RABGAP1L: variants seen among roughly 807,000 people sequenced by gnomAD.
RABGAP1L encodes RAB GTPase activating protein 1 like.
A neutral mutation model predicts 137.7 loss-of-function variants in RABGAP1L; 63 were observed. The ratio of observed to expected loss-of-function variants is 0.46; its 90% CI spans 0.37 to 0.56. The LOEUF (loss-of-function observed/expected upper bound fraction) is 0.56. RABGAP1L is among the 20% of genes least tolerant of loss of function. The pLI is 0.00. For missense variants in RABGAP1L, 1,095 were observed against 1,244.0 expected (o/e 0.88, Z 1.80); for synonymous variants, 431 against 433.7 (o/e 0.99, Z 0.08).
chr1:174,892,520 T>C, intron 19 of RABGAP1L: 1 of 507,266 alleles, frequency 2.0e-6, no homozygotes, highest in Non-Finnish European at 3.9e-6. Context: ...CACAAAAGTT[T>C]CTCCAAGTTT....
chr1:174,256,764 A>AG (rs1265561020), intron 7 of RABGAP1L, among the ~76,000 whole-genome samples: 2 of 152,212 alleles, frequency 1.3e-5, no homozygotes, highest in Non-Finnish European at 2.9e-5. Context: ...CTTGTGACAG[A>AG]GGGAGACTCC....
intron 1 of RABGAP1L, among the ~76,000 whole-genome samples, chr1:174,190,131 C>T (rs778789766): frequency 6.6e-5 from 10 of 151,828 alleles, no homozygotes; most frequent in Admixed American, 3.3e-4. Flanking sequence ...GGTGAAACCC[C>T]GTCTCTACTA....
chr1:174,663,169 ACT>A (rs1676515030), intron 14 of RABGAP1L, among the ~76,000 whole-genome samples: 1 of 152,096 alleles, frequency 6.6e-6, no homozygotes, highest in African/African-American at 2.4e-5. Context: ...TCACTCACTG[ACT>A]CACCCAGAGC....
In RABGAP1L at chr1:174,611,368, A is replaced by C. The variant is rs572042423; in HGVS notation, c.1711-26007A>C. On this transcript the variant is annotated intron_variant, in intron 13 of 25. Transcript: ENST00000681986. ...TTTGTCAAAAATCAGATAGTTGTAG[A>C]TATGTGGTGTTACTTCTGAGGGCTC... Among the ~76,000 whole-genome samples the C allele has an allele frequency of 3.8e-3, 578 of 152,188 alleles. 2 individuals carry two copies. Among genetic ancestry groups the C allele is most frequent in the Middle Eastern group, 0.01 (3 of 294 alleles).
Position 174,170,440 on chromosome 1 carries a change from G to T in RABGAP1L, c.-34+10783G>T, listed in dbSNP as rs1023443594. On this transcript the variant is annotated intron_variant, in intron 1 of 25. Coordinates refer to ENST00000681986, the MANE Select transcript of RABGAP1L (RefSeq NM_001366446.1). ...TGCCTGTAATCCCAGCACTTTGGAA[G>T]TCCGAGGCGGGCAGATCACGAGGTC... Among the ~76,000 whole-genome samples, 103 of 152,206 alleles carry T rather than the reference G, an allele frequency of 6.8e-4. 1 individual carries two copies. Among genetic ancestry groups the T allele is most frequent in the African/African-American group, 2.3e-3 (94 of 41,524 alleles).
chr1:174,741,923 C>T (rs532772023), intron 17 of RABGAP1L, among the ~76,000 whole-genome samples: 1 of 147,226 alleles, frequency 6.8e-6, no homozygotes, highest in South Asian at 2.2e-4. Flanking sequence ...CCTATAGACC[C>T]AGCTACTTGG....
chr1:174,953,099 GAT>G (rs1667985315), intron 19 of RABGAP1L, among the ~76,000 whole-genome samples: 1 of 148,700 alleles, frequency 6.7e-6, no homozygotes, highest in Non-Finnish European at 1.5e-5. Flanking sequence ...TTCAAAATAA[GAT>G]ATGAAAGTAA....
At chr1:174,549,726 A>G (rs1043791661) in intron 13 of RABGAP1L, among the ~76,000 whole-genome samples, 1 of 152,232 alleles carries the variant, frequency 6.6e-6, no homozygotes, top group Non-Finnish European at 1.5e-5. Flanking sequence ...GTATAGAAGA[A>G]TTAACATTAC....
At chr1:174,745,704 T>A (rs1046710992) in intron 17 of RABGAP1L, among the ~76,000 whole-genome samples, 15 of 152,308 alleles carry the variant, frequency 9.8e-5, no homozygotes, top group African/African-American at 2.9e-4. Flanking sequence ...TAATGGGCAA[T>A]AAATACATGA....
chr1:174,827,103 G>A (rs1000189414), intron 19 of RABGAP1L, among the ~76,000 whole-genome samples: 1 of 151,996 alleles, frequency 6.6e-6, no homozygotes, highest in Non-Finnish European at 1.5e-5. Context: ...TTATTCCTCT[G>A]TCTATATTAT....
intron 14 of RABGAP1L, among the ~76,000 whole-genome samples, chr1:174,678,603 A>G (rs1476714911): frequency 6.6e-6 from 1 of 152,220 alleles, no homozygotes; most frequent in Non-Finnish European, 1.5e-5. Flanking sequence ...AGAAAGTAAT[A>G]TGATCATTAT....
chr1:174,307,436 A>G (rs1420652070), intron 11 of RABGAP1L, among the ~76,000 whole-genome samples: 1 of 152,146 alleles, frequency 6.6e-6, no homozygotes, highest in Non-Finnish European at 1.5e-5. Context: ...GAAATATTAT[A>G]CCTATTAAGC....
intron 18 of RABGAP1L, among the ~76,000 whole-genome samples, chr1:174,788,667 A>G: frequency 6.6e-6 from 1 of 151,972 alleles, no homozygotes. Context: ...TTGGAATTCC[A>G]TTTTCATCAT....
At chr1:174,949,810 G>A (rs1667447589) in intron 19 of RABGAP1L, among the ~76,000 whole-genome samples, 2 of 152,136 alleles carry the variant, frequency 1.3e-5, no homozygotes, top group East Asian at 1.9e-4. Context: ...AGACTTACAG[G>A]ACTGAAGATG....
At chr1:174,598,481 C>G (rs576523747) in intron 13 of RABGAP1L, among the ~76,000 whole-genome samples, 31 of 152,234 alleles carry the variant, frequency 2.0e-4, no homozygotes, top group Non-Finnish European at 1.2e-4. Flanking sequence ...TCTGGATGAT[C>G]TGTCCAGTGC....
intron 19 of RABGAP1L, among the ~76,000 whole-genome samples, chr1:174,846,115 C>G (rs1397426167): frequency 6.6e-6 from 1 of 151,846 alleles, no homozygotes; most frequent in Non-Finnish European, 1.5e-5. Context: ...ATTCTTCTCT[C>G]TTTTCTTCTT....
chr1:174,932,643 C>T (rs67203477), intron 19 of RABGAP1L, among the ~76,000 whole-genome samples: 31,722 of 151,892 alleles, frequency 0.21, 3,577 homozygotes, highest in Admixed American at 0.24. Flanking sequence ...AATTTTGTGG[C>T]GAAGTACTTT....
chr1:174,769,136 C>T (rs1371048223), intron 18 of RABGAP1L, among the ~76,000 whole-genome samples: 2 of 152,292 alleles, frequency 1.3e-5, no homozygotes, highest in East Asian at 1.9e-4. Context: ...AAGACAGCCA[C>T]ACTTTGCAGG....
intron 20 of RABGAP1L, among the ~76,000 whole-genome samples, chr1:174,962,203 C>CCA (rs1553295766): frequency 7.3e-6 from 1 of 137,802 alleles, no homozygotes; most frequent in East Asian, 2.1e-4. Context: ...TACACCCCCC[C>CCA]CCCACACACA....
Sources: allele counts gnomAD v4.1 joint callset (sites outside exome capture counted in the v4.1 genomes callset), GRCh38; gene constraint gnomAD v4.1.1; transcripts MANE v1.5; gene names NCBI Gene and HGNC (gene_info 2026-07-23, HGNC 2026-07-21).